FECH: variants seen among roughly 807,000 people sequenced by gnomAD.
The protein encoded by FECH is ferrochelatase, mitochondrial.
Under a neutral mutation model 56.9 loss-of-function variants are expected in FECH, and 40 were observed. That is an observed-to-expected ratio of 0.70 (90% CI 0.55 to 0.92). The LOEUF (loss-of-function observed/expected upper bound fraction) is 0.92, where lower values mean the gene tolerates loss of function less well. FECH is among the 40% of genes least tolerant of loss of function. FECH has a pLI of 0.00. For missense variants in FECH, 431 were observed against 529.1 expected, an observed-to-expected ratio of 0.81 and a Z score of 1.82; for synonymous variants, 175 against 198.6, an observed-to-expected ratio of 0.88 and a Z score of 1.00.
At chr18:57,579,949 G>A in intron 2 of FECH, 124 bp downstream of exon 2, 1 of 1,321,152 alleles carries the variant, frequency 7.6e-7, no homozygotes. Flanking sequence ...TTGAAAGGAA[G>A]CCAAGAAAAT....
chr18:57,564,138 A>G (rs113644407), intron 5 of FECH, among the ~76,000 whole-genome samples: 3,619 of 152,276 alleles, frequency 0.024, 149 homozygotes, highest in African/African-American at 0.082. Flanking sequence ...TGGGCCTCCC[A>G]AAGTGCTGGG....
intron 2 of FECH, among the ~76,000 whole-genome samples, chr18:57,579,245 CAAAA>C (rs1314538554): frequency 8.7e-6 from 1 of 114,834 alleles, no homozygotes; most frequent in Non-Finnish European, 1.7e-5. Flanking sequence ...GAGACTCTCT[CAAAA>C]AAAAAAAAAA....
Position 57,586,700 on chromosome 18 carries a change from G to A in FECH, c.-80C>T. On this transcript the variant is annotated 5_prime_UTR_variant, in exon 1 of 11. Coordinates refer to ENST00000262093, the MANE Select transcript of FECH (RefSeq NM_000140.5). ...TGTCCGCCCAGCAGTGGCCGAGCCG[G>A]GTAGCGATCCCCACGCGCGTCCCCA... The A allele has an allele frequency of 7.6e-7, 1 of 1,318,782 alleles. No individual in the cohort carries two copies. The highest frequency in any genetic ancestry group is 3.1e-5 in the East Asian group (1 of 32,228). The allele number at this position is 1,318,782 out of a possible 1,614,324, so 81.7% of individuals were successfully genotyped here.
At chr18:57,586,347 C>G (rs2051372824) in intron 1 of FECH, among the ~76,000 whole-genome samples, 1 of 152,240 alleles carries the variant, frequency 6.6e-6, no homozygotes, top group African/African-American at 2.4e-5. Context: ...CCTCCTGGAT[C>G]CGGGCGCCCT....
chr18:57,559,915 C>T (rs2050919970), intron 6 of FECH, among the ~76,000 whole-genome samples: 1 of 152,190 alleles, frequency 6.6e-6, no homozygotes, highest in South Asian at 2.1e-4. Flanking sequence ...CTCCAAATCT[C>T]TGTCCACCAG....
rs2050787659 is a variant in FECH, at chr18:57,550,805, C to T, written c.1179G>A (p.Glu393=). 6.2e-7 allele frequency: 1 copy of T among 1,614,104 alleles called. No homozygotes were observed. ...TCAGGGTCAGCTGCTTGGAACACAG[C>T]TCGTTTGACTGGATGTGTGAATGCA... ...DLVHSHIQSN[E]LCSKQLTLSC... The change falls in exon 11 of 11, where the codon GAG becomes GAA. Residue 393 remains glutamate (E), a synonymous_variant. Transcript: ENST00000262093.
At chr18:57,555,636 C>A (rs540554409) in intron 7 of FECH, among the ~76,000 whole-genome samples, 10 of 152,326 alleles carry the variant, frequency 6.6e-5, no homozygotes, top group African/African-American at 2.2e-4. Flanking sequence ...CTAGCCCTCA[C>A]CTGGCTTTAT....
chr18:57,550,738 A>T lies in FECH; in HGVS notation c.1246T>A (p.Ser416Thr), dbSNP rs1174716122. The change falls in exon 11 of 11, where the codon TCC becomes ACC. Residue 416 changes from serine (S) to threonine (T), a missense_variant. Coordinates refer to ENST00000262093, the MANE Select transcript of FECH (RefSeq NM_000140.5). ...CACAGCTGCTGGCTGGTGAAGAAGG[A>T]TTTAGTCTCCCTGCAGACAGGATTG... is the stretch of plus-strand genomic sequence containing the variant. ...CVNPVCRETK[S>T]FFTSQQL 2.5e-6 allele frequency: 4 copies of T among 1,613,954 alleles called. No individual in the cohort carries two copies. The highest frequency in any genetic ancestry group is 3.4e-6 in the Non-Finnish European group (4 of 1,180,014).
intron 9 of FECH, among the ~76,000 whole-genome samples, chr18:57,553,042 CA>C (rs2050820097): frequency 6.6e-6 from 1 of 152,128 alleles, no homozygotes; most frequent in Admixed American, 6.5e-5. Context: ...GCCTGGTTGA[CA>C]GAGCCAGATT....
rs371790842 is a variant in FECH, at chr18:57,559,251, A to G, written c.706-8T>C. On this transcript the variant is annotated splice_polypyrimidine_tract_variant and splice_region_variant and intron_variant, in intron 6 of 10. Transcript: ENST00000262093. Reference sequence around the variant, plus strand: ...AATATGATCTGCAAAGCACTGAGTGAGTAACAAGAAAGGAGGATAAAGAGG... The same window carrying G: ...AATATGATCTGCAAAGCACTGAGTGGGTAACAAGAAAGGAGGATAAAGAGG... 7 of 1,573,132 alleles carry G rather than the reference A, an allele frequency of 4.4e-6. No homozygotes were observed. The highest frequency in any genetic ancestry group is 2.6e-6 in the Non-Finnish European group (3 of 1,142,862).
rs1472265725 is a variant in FECH at position 57,566,505 on chromosome 18, A to G, written c.540T>C (p.Asp180=). The G allele has an allele frequency of 2.3e-5, 37 of 1,614,094 alleles. No homozygotes were observed. Among genetic ancestry groups the G allele is most frequent in the Non-Finnish European group, 3.1e-5 (37 of 1,180,038 alleles). The change falls in exon 5 of 11, where the codon GAT becomes GAC. Residue 180 remains aspartate, a synonymous_variant. Coordinates refer to ENST00000262093, the MANE Select transcript of FECH (RefSeq NM_000140.5). ...TEEAIEEMER[D]GLERAIAFTQ... is the part of the protein sequence containing the mutation. ...TGAAAGCAATAGCCCTTTCTAGGCC[A>G]TCTCTCTCCATCTCTTCAATTGCTT... is the stretch of plus-strand genomic sequence containing the variant.
chr18:57,580,094 G>T lies in FECH; in HGVS notation c.173C>A (p.Pro58His). 6.2e-7 allele frequency: 1 copy of T among 1,614,128 alleles called. No individual in the cohort carries two copies. Among genetic ancestry groups the T allele is most frequent in the East Asian group, 2.2e-5 (1 of 44,882 alleles). ...ATACCTCTTCTGCGGTTGAACTTGA[G>T]GTTTTGCACCCTGGGCATGCTGGGC... ...ETAQHAQGAK[P>H]QVQPQKRKPK... The change falls in exon 2 of 11, where the codon CCT (proline) becomes CAT (histidine). Residue 58 changes from proline to histidine, a missense_variant. By Grantham distance (77) the Pro-to-His change is moderately conservative. Transcript: ENST00000262093.
chr18:57,571,674 T>G (rs913281963), intron 3 of FECH, 134 bp from the exon 4 acceptor site: 8 of 1,264,024 alleles, frequency 6.3e-6, no homozygotes, highest in Non-Finnish European at 8.9e-6. Context: ...AAACAGAAGC[T>G]TGAGGTCATT....
In FECH at chr18:57,562,935, C is replaced by G. The variant is rs781664474; in HGVS notation, c.644G>C (p.Arg215Pro). 1 of 1,613,954 alleles carries G rather than the reference C, an allele frequency of 6.2e-7. No homozygotes were observed. The highest frequency in any genetic ancestry group is 8.5e-7 in the Non-Finnish European group (1 of 1,180,026). Reference protein sequence around the residue: ...AIYRYYNQVGRKPTMKWSTID... With the variant: ...AIYRYYNQVGPKPTMKWSTID... ...AGTGCTCCACTTCATCGTGGGCTTC[C>G]GTCCCACTTGATTATAGTATCTGTA... The change falls in exon 6 of 11, where the codon CGG becomes CCG. Residue 215 changes from arginine to proline, a missense_variant. Coordinates refer to ENST00000262093, the MANE Select transcript of FECH (RefSeq NM_000140.5).
At chr18:57,556,356 AC>A (rs1268869105) in intron 7 of FECH, among the ~76,000 whole-genome samples, 2 of 152,208 alleles carry the variant, frequency 1.3e-5, no homozygotes, top group Non-Finnish European at 2.9e-5. Context: ...ATTTTTAATT[AC>A]AAAGAGAAAA....
chr18:57,559,107 T>C lies in FECH; in HGVS notation c.804+38A>G, dbSNP rs950350748. On this transcript the variant is annotated intron_variant, in intron 7 of 10. Transcript: ENST00000262093. ...TTTAGAAAATGAAATCACCCAATCC[T>C]CTATCACTAGGTCATCCCAGAAAAT... The C allele has an allele frequency of 8.9e-6, 12 of 1,342,920 alleles. No homozygotes were observed. In the African/African-American group the frequency reaches 1.6e-4, roughly 18 times the overall value. The allele number at this position is 1,342,920 out of a possible 1,614,324, so 83.2% of individuals were successfully genotyped here. A position where few individuals can be genotyped will look rare whatever the true frequency, so the allele number is the denominator to read the frequency against.
intron 2 of FECH, among the ~76,000 whole-genome samples, chr18:57,579,245 CA>C (rs1314538554): frequency 1.4e-3 from 157 of 114,788 alleles, no homozygotes; most frequent in Middle Eastern, 5.2e-3. Context: ...GAGACTCTCT[CA>C]AAAAAAAAAA....
rs532328550 is a variant in FECH, at chr18:57,584,462, A to G, written c.67+2092T>C. ...ACTTCATGTTGTTGCAAAAAGAAAT[A>G]AAGAAAAAGGAAAAACAGAAAAAAA... On this transcript the variant is annotated intron_variant, in intron 1 of 10. Transcript: ENST00000262093. Among the ~76,000 whole-genome samples the G allele has an allele frequency of 3.9e-5, 6 of 152,244 alleles. No individual in the cohort carries two copies. The South Asian group carries it at 1.0e-3, about 26-fold the overall frequency.
At chr18:57,572,465 G>GAC (rs916451337) in intron 3 of FECH, among the ~76,000 whole-genome samples, 1 of 132,158 alleles carries the variant, frequency 7.6e-6, no homozygotes, top group African/African-American at 2.8e-5. Flanking sequence ...TAATGTAAAT[G>GAC]ACGAGTTAAT....
Sources: gnomAD v4.1 joint callset for allele counts (sites outside exome capture counted in the v4.1 genomes callset) on GRCh38, gnomAD v4.1.1 for gene constraint, MANE v1.5 for transcripts, NCBI Gene and HGNC (gene_info 2026-07-23, HGNC 2026-07-21) for gene names.